Variants in FOXP2 observed in about 807,000 individuals in gnomAD.
FOXP2 encodes the protein forkhead box protein P2.
A neutral mutation model predicts 115.8 loss-of-function variants in FOXP2; 12 were observed. The observed-to-expected ratio is 0.10, with a 90% confidence interval of 0.07 to 0.17. The LOEUF is 0.17. Among genes scored for constraint, FOXP2 ranks in the 10% least tolerant of loss-of-function variants. FOXP2 has a pLI of 1.00. For synonymous variants in FOXP2, 328 were observed against 297.7 expected, an observed-to-expected ratio of 1.10 and a Z score of -1.05; for missense variants, 629 against 843.5, an observed-to-expected ratio of 0.75 and a Z score of 3.15.
At chr7:114,400,191 T>G (rs750546790) in intron 2 of FOXP2, among the ~76,000 whole-genome samples, 17 of 152,046 alleles carry the variant, frequency 1.1e-4, no homozygotes, top group African/African-American at 3.4e-4. Context: ...ATTTATGTTT[T>G]TTGTTGTTGT....
rs117744473 is a variant in FOXP2 at position 114,169,055 on chromosome 7, G to A, written c.-102+5967G>A. 7.0e-4 allele frequency among the ~76,000 whole-genome samples: 107 copies of A among 152,344 alleles called. 3 individuals carry two copies. In the East Asian group the frequency reaches 0.018, roughly 26 times the overall value. ...ACGTGTGGAAATACCTGCAAAGGCA[G>A]AGTTTGCTGCAGGGACAGGTCCTAA... On this transcript the variant is annotated intron_variant, in intron 1 of 17. Coordinates refer to the FOXP2 transcript ENST00000634411.
intron 2 of FOXP2, among the ~76,000 whole-genome samples, chr7:114,318,526 A>G (rs1269157554): frequency 2.0e-5 from 3 of 151,814 alleles, no homozygotes; most frequent in Non-Finnish European, 4.4e-5. Context: ...ATGTACATAT[A>G]TTTAAAATAA....
intron 1 of FOXP2, among the ~76,000 whole-genome samples, chr7:114,287,697 A>T (rs1426742435): frequency 6.6e-6 from 1 of 151,986 alleles, no homozygotes; most frequent in African/African-American, 2.4e-5. Flanking sequence ...TGTAAATTAT[A>T]AAAGTTAATC....
At chr7:114,225,258 G>T (rs1010297376) in intron 1 of FOXP2, among the ~76,000 whole-genome samples, 1 of 151,848 alleles carries the variant, frequency 6.6e-6, no homozygotes, top group South Asian at 2.1e-4. Flanking sequence ...TTCAAAGTTT[G>T]CTAGCATTTA....
At chr7:114,498,377 G>A (rs1797418048) in intron 2 of FOXP2, among the ~76,000 whole-genome samples, 1 of 152,106 alleles carries the variant, frequency 6.6e-6, no homozygotes, top group South Asian at 2.1e-4. Context: ...ACCTATTCTA[G>A]GCAGAGGAAT....
At chr7:114,541,029 T>G (rs1799638626) in intron 3 of FOXP2, among the ~76,000 whole-genome samples, 1 of 152,088 alleles carries the variant, frequency 6.6e-6, no homozygotes, top group Non-Finnish European at 1.5e-5. Context: ...ATGGAACATT[T>G]GGAGGATATT....
chr7:114,307,784 G>T (rs1267171457), intron 2 of FOXP2, among the ~76,000 whole-genome samples: 2 of 152,142 alleles, frequency 1.3e-5, no homozygotes, highest in Non-Finnish European at 2.9e-5. Context: ...TGGGGGTGGG[G>T]AGAGGATGTT....
chr7:114,268,012 G>A (rs1210358878), intron 1 of FOXP2, among the ~76,000 whole-genome samples: 2 of 151,794 alleles, frequency 1.3e-5, no homozygotes, highest in East Asian at 3.9e-4. Flanking sequence ...CTGTGTCCAT[G>A]TATTTGACTA....
chr7:114,644,208 G>A (rs1805742712), intron 7 of FOXP2, among the ~76,000 whole-genome samples: 1 of 152,102 alleles, frequency 6.6e-6, no homozygotes, highest in Admixed American at 6.5e-5. Flanking sequence ...TTCTAAATCA[G>A]GTGTAACTAG....
chr7:114,615,901 A>C (rs962611603), intron 3 of FOXP2, among the ~76,000 whole-genome samples: 1 of 152,166 alleles, frequency 6.6e-6, no homozygotes, highest in Admixed American at 6.5e-5. Flanking sequence ...GTTTTAGCTT[A>C]AATGCCACCT....
At chr7:114,627,903 A>G (rs2129326622) in intron 3 of FOXP2, among the ~76,000 whole-genome samples, 1 of 152,044 alleles carries the variant, frequency 6.6e-6, no homozygotes, top group South Asian at 2.1e-4. Context: ...TATGTATGTC[A>G]TTATTTTTCT....
At chr7:114,249,273 C>T (rs1298004916) in intron 1 of FOXP2, among the ~76,000 whole-genome samples, 2 of 152,074 alleles carry the variant, frequency 1.3e-5, no homozygotes, top group Admixed American at 1.3e-4. Flanking sequence ...CATAGGTAAA[C>T]GTGTGCCATG....
chr7:114,350,164 T>C lies in FOXP2; in HGVS notation c.-11+62055T>C, dbSNP rs536587513. On this transcript the variant is annotated intron_variant, in intron 2 of 17. Transcript: ENST00000634411. ...TTTTATTTTACTTTAAGTTCTGCGA[T>C]ATTTGTGCAGAACGAGCAGGTTTGT... 2.6e-5 allele frequency among the ~76,000 whole-genome samples: 4 copies of C among 152,320 alleles called. No individual in the cohort carries two copies. The South Asian group carries it at 8.3e-4, about 32-fold the overall frequency.
At chr7:114,547,501 T>A (rs1426088790) in intron 3 of FOXP2, among the ~76,000 whole-genome samples, 4 of 152,160 alleles carry the variant, frequency 2.6e-5, no homozygotes, top group African/African-American at 9.7e-5. Context: ...CTCACGCCTG[T>A]AATCACAACA....
intron 3 of FOXP2, among the ~76,000 whole-genome samples, chr7:114,583,069 G>T (rs1801948165): frequency 6.6e-6 from 1 of 152,132 alleles, no homozygotes; most frequent in Admixed American, 6.6e-5. Context: ...CTTGCTCTTA[G>T]AGTCCACAGT....
At chr7:114,100,967 A>C (rs1296120646) in intron 1 of FOXP2, among the ~76,000 whole-genome samples, 2 of 152,158 alleles carry the variant, frequency 1.3e-5, no homozygotes, top group African/African-American at 4.8e-5. Context: ...TCTATTTGCA[A>C]ACCAGCAAAT....
intron 2 of FOXP2, among the ~76,000 whole-genome samples, chr7:114,447,804 A>G (rs1794902745): frequency 6.6e-6 from 1 of 152,142 alleles, no homozygotes; most frequent in Non-Finnish European, 1.5e-5. Flanking sequence ...TATTTGTTTC[A>G]CATTCATTTA....
chr7:114,539,496 A>G (rs1349238127), intron 3 of FOXP2, among the ~76,000 whole-genome samples: 1 of 151,940 alleles, frequency 6.6e-6, no homozygotes, highest in African/African-American at 2.4e-5. Context: ...GATATTCTTT[A>G]CTATTTATAT....
intron 2 of FOXP2, among the ~76,000 whole-genome samples, chr7:114,481,769 T>G: frequency 7.0e-6 from 1 of 143,798 alleles, no homozygotes; most frequent in Admixed American, 6.9e-5. Context: ...AAACTCTATC[T>G]ATCTATCTAT....
Sources: gnomAD v4.1 joint callset for allele counts (sites outside exome capture counted in the v4.1 genomes callset) on GRCh38, gnomAD v4.1.1 for gene constraint, MANE v1.5 for transcripts, NCBI Gene and HGNC (gene_info 2026-07-23, HGNC 2026-07-21) for gene names.